Variants in SPAG16 observed in about 807,000 individuals in gnomAD.
SPAG16 encodes the protein sperm-associated antigen 16 protein.
Under a neutral mutation model 80.4 loss-of-function variants are expected in SPAG16, and 86 were observed. The ratio of observed to expected loss-of-function variants is 1.07; its 90% CI spans 0.90 to 1.28. The LOEUF (loss-of-function observed/expected upper bound fraction) is 1.28. Ranked by LOEUF, SPAG16 falls within the 50% of genes most tolerant of loss-of-function variation. The pLI, the probability that SPAG16 is intolerant of heterozygous loss-of-function variation, is 0.00. For synonymous variants in SPAG16, 294 were observed against 265.9 expected (o/e 1.11, Z -1.03); for missense variants, 870 against 765.3 (o/e 1.14, Z -1.61).
intron 10 of SPAG16, among the ~76,000 whole-genome samples, chr2:213,566,692 C>A (rs2059780316): frequency 6.6e-6 from 1 of 152,268 alleles, no homozygotes; most frequent in East Asian, 1.9e-4. Context: ...ATCTGCATAA[C>A]AATCTAATTC....
intron 15 of SPAG16, among the ~76,000 whole-genome samples, chr2:214,278,178 A>G (rs1156660425): frequency 6.6e-6 from 1 of 152,126 alleles, no homozygotes; most frequent in Non-Finnish European, 1.5e-5. Context: ...GGAAAAGCAC[A>G]GTATTTAGGC....
chr2:214,303,709 A>G (rs1367536742), intron 15 of SPAG16, among the ~76,000 whole-genome samples: 1 of 152,194 alleles, frequency 6.6e-6, no homozygotes, highest in African/African-American at 2.4e-5. Context: ...CCCATCAAAT[A>G]TGATTTTCTT....
Position 213,945,919 on chromosome 2 carries a change from CCTT to C in SPAG16, c.1400+15778_1400+15780del, listed in dbSNP as rs2079434565. Among the ~76,000 whole-genome samples the C allele has an allele frequency of 6.6e-5, 10 of 152,298 alleles. No individual in the cohort carries two copies. In the South Asian group the frequency reaches 1.9e-3, roughly 28 times the overall value. On this transcript the variant is annotated intron_variant, in intron 12 of 15. Coordinates refer to ENST00000331683, the MANE Select transcript of SPAG16 (RefSeq NM_024532.5). ...TAGCAACCGTTTTGCGAACAATACA[CCTT>C]CTTTTTAGCCCTTTGTTTCTCTTAT...
chr2:214,217,032 A>G (rs1273757073), intron 15 of SPAG16, among the ~76,000 whole-genome samples: 1 of 152,240 alleles, frequency 6.6e-6, no homozygotes, highest in Non-Finnish European at 1.5e-5. Context: ...ATCAGACATT[A>G]AAATCCATTA....
At chr2:214,288,926 G>A (rs1257868309) in intron 15 of SPAG16, among the ~76,000 whole-genome samples, 11 of 152,050 alleles carry the variant, frequency 7.2e-5, no homozygotes, top group African/African-American at 1.9e-4. Context: ...CTGCCATCAC[G>A]CCCGGCTAAT....
At chr2:214,379,579 A>G (rs187633614) in intron 15 of SPAG16, among the ~76,000 whole-genome samples, 175 of 152,356 alleles carry the variant, frequency 1.1e-3, no homozygotes, top group African/African-American at 4.0e-3. Flanking sequence ...GGAGGCTAAG[A>G]AGTCTGAAGA....
At chr2:214,232,878 C>A (rs1468471789) in intron 15 of SPAG16, among the ~76,000 whole-genome samples, 1 of 151,498 alleles carries the variant, frequency 6.6e-6, no homozygotes, top group African/African-American at 2.4e-5. Context: ...TTAAGAGGAG[C>A]ATTAAAAAAA....
chr2:213,523,882 T>C (rs2075781606), intron 10 of SPAG16, among the ~76,000 whole-genome samples: 1 of 152,154 alleles, frequency 6.6e-6, no homozygotes, highest in Non-Finnish European at 1.5e-5. Flanking sequence ...AAGCAGAGCA[T>C]AAAAATTTGG....
chr2:213,337,335 G>A (rs758254103), intron 5 of SPAG16, among the ~76,000 whole-genome samples: 3 of 152,294 alleles, frequency 2.0e-5, no homozygotes, highest in African/African-American at 4.8e-5. Flanking sequence ...ATTGCAACAT[G>A]TCTCCAGCAA....
intron 10 of SPAG16, among the ~76,000 whole-genome samples, chr2:213,775,352 C>T (rs1274594694): frequency 6.6e-6 from 1 of 152,106 alleles, no homozygotes; most frequent in African/African-American, 2.4e-5. Flanking sequence ...ATGTATACAA[C>T]TAAGTTTGAA....
intron 9 of SPAG16, among the ~76,000 whole-genome samples, chr2:213,391,789 T>G (rs993416695): frequency 8.5e-5 from 13 of 152,214 alleles, no homozygotes; most frequent in Non-Finnish European, 1.6e-4. Context: ...TTTAACTACT[T>G]TAGCCATTTT....
Position 213,654,112 on chromosome 2 carries a change from T to C in SPAG16, c.1070+164022T>C, listed in dbSNP as rs1179110625. On this transcript the variant is annotated intron_variant, in intron 10 of 15. Transcript: ENST00000331683. ...GATTTTGTACAAATCTCTCTGATAG[T>C]CAATACTAAATCAGTAATGGAGTAA... is the stretch of plus-strand genomic sequence containing the variant. 2.0e-5 allele frequency among the ~76,000 whole-genome samples: 3 copies of C among 152,188 alleles called. No individual in the cohort carries two copies. The East Asian group carries it at 5.8e-4, about 29-fold the overall frequency.
chr2:213,764,004 C>A (rs2068800946), intron 10 of SPAG16, among the ~76,000 whole-genome samples: 2 of 152,194 alleles, frequency 1.3e-5, no homozygotes, highest in Non-Finnish European at 2.9e-5. Context: ...GGTGTGGATT[C>A]ATTTCCATAG....
chr2:213,404,336 C>G (rs1429585672), intron 9 of SPAG16, among the ~76,000 whole-genome samples: 1 of 152,184 alleles, frequency 6.6e-6, no homozygotes, highest in Non-Finnish European at 1.5e-5. Context: ...ACCAAAACAG[C>G]ATGGTACTGG....
intron 15 of SPAG16, among the ~76,000 whole-genome samples, chr2:214,178,861 A>G (rs967956069): frequency 2.0e-5 from 3 of 151,388 alleles, no homozygotes. Flanking sequence ...TTTATTATAT[A>G]TAGTATGCAT....
At chr2:214,221,495 C>T (rs544906912) in intron 15 of SPAG16, among the ~76,000 whole-genome samples, 10 of 152,192 alleles carry the variant, frequency 6.6e-5, no homozygotes, top group Admixed American at 3.3e-4. Flanking sequence ...AATAAACCTA[C>T]AAAGCGGTTA....
chr2:214,242,769 C>T (rs1372641785), intron 15 of SPAG16, among the ~76,000 whole-genome samples: 16 of 152,068 alleles, frequency 1.1e-4, no homozygotes, highest in Admixed American at 1.0e-3. Flanking sequence ...ATACATAGGT[C>T]TCTTAGAGTC....
At chr2:214,054,499 T>C (rs1361161469) in intron 13 of SPAG16, among the ~76,000 whole-genome samples, 1 of 152,214 alleles carries the variant, frequency 6.6e-6, no homozygotes, top group East Asian at 1.9e-4. Flanking sequence ...AATAAAATAC[T>C]TCCTTTGCAA....
chr2:213,318,717 T>C (rs1186984436), intron 5 of SPAG16, among the ~76,000 whole-genome samples: 1 of 152,026 alleles, frequency 6.6e-6, no homozygotes, highest in Non-Finnish European at 1.5e-5. Flanking sequence ...TTTTGTTGAA[T>C]AGCAGCCTTG....
Sources: allele counts gnomAD v4.1 joint callset (sites outside exome capture counted in the v4.1 genomes callset), GRCh38; gene constraint gnomAD v4.1.1; transcripts MANE v1.5; gene names NCBI Gene and HGNC (gene_info 2026-07-23, HGNC 2026-07-21).